Variants in LMO7 observed in about 807,000 individuals in gnomAD.
LMO7 encodes LIM domain 7.
A neutral mutation model predicts 206.5 loss-of-function variants in LMO7; 120 were observed. That is an observed-to-expected ratio of 0.58 (90% CI 0.50 to 0.68). LMO7 has a LOEUF of 0.68. LMO7 is among the 30% of genes least tolerant of loss of function. The probability of loss-of-function intolerance (pLI) is 0.00; values close to 1 mark genes in which losing one functional copy is unlikely to be tolerated. For synonymous variants in LMO7, 706 were observed against 681.5 expected (o/e 1.04, Z -0.56); for missense variants, 1,959 against 1,957.9 (o/e 1.00, Z -0.01).
At chr13:75,849,359 C>A in intron 27 of LMO7, 67 bp downstream of exon 27, 1 of 1,253,136 alleles carries the variant, frequency 8.0e-7, no homozygotes. Context: ...TTGTAGACAT[C>A]CTGGTGCTTT....
At chr13:75,826,790 A>T (rs921795511) in intron 15 of LMO7, among the ~76,000 whole-genome samples, 1 of 152,166 alleles carries the variant, frequency 6.6e-6, no homozygotes, top group Non-Finnish European at 1.5e-5. Flanking sequence ...TGGAGTCAGG[A>T]TTTGAACCCA....
At chr13:75,750,645 C>T (rs1178052280) in intron 3 of LMO7, among the ~76,000 whole-genome samples, 2 of 152,128 alleles carry the variant, frequency 1.3e-5, no homozygotes, top group African/African-American at 2.4e-5. Context: ...TTGAGCCCTG[C>T]CTTGGCCTCC....
intron 1 of LMO7, among the ~76,000 whole-genome samples, chr13:75,706,370 AG>A (rs1566330456): frequency 6.6e-6 from 1 of 152,186 alleles, no homozygotes; most frequent in Non-Finnish European, 1.5e-5. Flanking sequence ...GTTTTATTTT[AG>A]GGGGAGTCTT....
At chr13:75,665,619 T>A (rs916553950) in intron 1 of LMO7, among the ~76,000 whole-genome samples, 9 of 151,920 alleles carry the variant, frequency 5.9e-5, no homozygotes, top group African/African-American at 2.2e-4. Context: ...CTCCGCCTCC[T>A]GGGTTCAAGC....
At chr13:75,740,043 A>C (rs528923236) in intron 3 of LMO7, among the ~76,000 whole-genome samples, 1 of 152,354 alleles carries the variant, frequency 6.6e-6, no homozygotes, top group East Asian at 1.9e-4. Flanking sequence ...TTTTCATTCA[A>C]GGGTAGCACT....
Position 75,823,851 on chromosome 13 carries a change from A to G in LMO7, c.2927A>G (p.Gln976Arg). ...TCTGGAGAAGGGGAAATCTCCCCAC[A>G]AAGAGAAGTCTCAAGATCCCAGGTG... is the stretch of plus-strand genomic sequence containing the variant. Reference protein sequence around the residue: ...SESGEGEISPQREVSRSQDQF... With the variant: ...SESGEGEISPRREVSRSQDQF... The change falls in exon 15 of 31, where the codon CAA (glutamine) becomes CGA (arginine). Residue 976 changes from glutamine (Q) to arginine (R), a missense_variant. By Grantham distance (43) the Gln-to-Arg change is conservative. Transcript: ENST00000377534. 6.2e-7 allele frequency: 1 copy of G among 1,613,894 alleles called. No homozygotes were observed. The highest frequency in any genetic ancestry group is 8.5e-7 in the Non-Finnish European group (1 of 1,179,816).
intron 1 of LMO7, among the ~76,000 whole-genome samples, chr13:75,703,260 T>G (rs982015030): frequency 1.3e-5 from 2 of 152,302 alleles, no homozygotes; most frequent in Admixed American, 1.3e-4. Context: ...AAGAATAATT[T>G]GATTTAAAAG....
intron 2 of LMO7, among the ~76,000 whole-genome samples, chr13:75,725,478 A>G (rs555602896): frequency 6.6e-6 from 1 of 152,254 alleles, no homozygotes; most frequent in Admixed American, 6.5e-5. Flanking sequence ...TACAGTTACT[A>G]GTTCTTCTAT....
At chr13:75,803,470 G>T (rs1226125474) in intron 7 of LMO7, among the ~76,000 whole-genome samples, 4 of 152,188 alleles carry the variant, frequency 2.6e-5, no homozygotes, top group Non-Finnish European at 5.9e-5. Context: ...AAGAGGGACA[G>T]CTTGGCTTGG....
intron 3 of LMO7, among the ~76,000 whole-genome samples, chr13:75,754,811 TAAC>T (rs886387648): frequency 2.0e-5 from 3 of 152,212 alleles, no homozygotes; most frequent in Non-Finnish European, 4.4e-5. Flanking sequence ...GGTGAGGTGT[TAAC>T]AAAGTCCTGT....
At chr13:75,803,674 T>C (rs17065070) in intron 7 of LMO7, among the ~76,000 whole-genome samples, 1,574 of 152,328 alleles carry the variant, frequency 0.01, 30 homozygotes, top group African/African-American at 0.033. Context: ...CCATGGCCAC[T>C]CTGAAGAAAC....
At chr13:75,680,627 T>A (rs1244032938) in intron 1 of LMO7, among the ~76,000 whole-genome samples, 1 of 152,088 alleles carries the variant, frequency 6.6e-6, no homozygotes, top group Non-Finnish European at 1.5e-5. Flanking sequence ...AACGTGCAGT[T>A]TTATTACATA....
chr13:75,805,618 C>T lies in LMO7; in HGVS notation c.1054C>T (p.Arg352Cys), dbSNP rs760920054. 18 of 1,613,926 alleles carry T rather than the reference C, an allele frequency of 1.1e-5. No individual in the cohort carries two copies. Among genetic ancestry groups the T allele is most frequent in the Admixed American group, 8.3e-5 (5 of 60,010 alleles). Residue 352 changes from arginine (R) to cysteine (C), a missense_variant, in exon 9 of 31, where the codon CGC becomes TGC. By Grantham distance (180) the Arg-to-Cys change is radical. Transcript: ENST00000377534. ...PNIVKDDLYV[R>C]KLSPVMPNPG... ...CATTGTAAAGGATGATCTTTATGTG[C>T]GCAAGCTCAGTCCAGTCATGCCAAA...
intron 4 of LMO7, among the ~76,000 whole-genome samples, chr13:75,780,833 C>A (rs2051219265): frequency 6.6e-6 from 1 of 152,168 alleles, no homozygotes; most frequent in Non-Finnish European, 1.5e-5. Flanking sequence ...TCTGCCGTGG[C>A]TTCAGCTGGT....
intron 1 of LMO7, among the ~76,000 whole-genome samples, chr13:75,668,672 T>C (rs528618987): frequency 6.6e-6 from 1 of 152,278 alleles, no homozygotes; most frequent in Non-Finnish European, 1.5e-5. Context: ...TTTTTTTTTA[T>C]ACATTAGTCC....
chr13:75,670,388 T>C (rs1420366211), intron 1 of LMO7, among the ~76,000 whole-genome samples: 1 of 152,188 alleles, frequency 6.6e-6, no homozygotes, highest in East Asian at 1.9e-4. Context: ...ATGTGTCATA[T>C]AGGCTATTTT....
chr13:75,732,277 T>C (rs1361675628), intron 3 of LMO7, among the ~76,000 whole-genome samples: 1 of 152,224 alleles, frequency 6.6e-6, no homozygotes, highest in Non-Finnish European at 1.5e-5. Context: ...AGACATAGAT[T>C]TGGTCTTTTC....
intron 2 of LMO7, among the ~76,000 whole-genome samples, chr13:75,629,177 C>G (rs546710743): frequency 1.3e-5 from 2 of 152,146 alleles, no homozygotes; most frequent in African/African-American, 2.4e-5. Context: ...GTTGAGAGAC[C>G]CTCCTGTAAG....
intron 3 of LMO7, among the ~76,000 whole-genome samples, chr13:75,727,893 G>T (rs992963403): frequency 6.6e-6 from 1 of 150,766 alleles, no homozygotes; most frequent in Non-Finnish European, 1.5e-5. Context: ...TTTTGTCCTT[G>T]CGATAGTTTA....
Sources: gnomAD v4.1 joint callset for allele counts (sites outside exome capture counted in the v4.1 genomes callset) on GRCh38, gnomAD v4.1.1 for gene constraint, MANE v1.5 for transcripts, NCBI Gene and HGNC (gene_info 2026-07-23, HGNC 2026-07-21) for gene names.